SERINC5: variants seen among roughly 807,000 people sequenced by gnomAD.
SERINC5 encodes the protein chromosome 5 open reading frame 12.
A neutral mutation model predicts 63.1 loss-of-function variants in SERINC5; 41 were observed. The observed-to-expected ratio is 0.65, with a 90% CI of 0.51 to 0.84. SERINC5 has a LOEUF of 0.84. Among genes scored for constraint, SERINC5 ranks in the 40% least tolerant of loss-of-function variants. The pLI is 0.00. For missense variants in SERINC5, 523 were observed against 573.0 expected (o/e 0.91, Z 0.89); for synonymous variants, 222 against 215.2 (o/e 1.03, Z -0.28).
At chr5:80,192,670 A>G (rs1226079945) in intron 2 of SERINC5, among the ~76,000 whole-genome samples, 1 of 152,226 alleles carries the variant, frequency 6.6e-6, no homozygotes, top group Admixed American at 6.5e-5. Flanking sequence ...ATGTCGAAAG[A>G]TAATTTTAGA....
intron 1 of SERINC5, among the ~76,000 whole-genome samples, chr5:80,225,035 G>A (rs1225258707): frequency 1.3e-5 from 2 of 151,406 alleles, no homozygotes; most frequent in African/African-American, 4.8e-5. Flanking sequence ...CTGCCTCCCA[G>A]GTTCAAGCAA....
rs201182320 is a variant in SERINC5, at chr5:80,171,724, C to CA, written c.552-2179dup. 1.0e-3 allele frequency among the ~76,000 whole-genome samples: 155 copies of CA among 151,546 alleles called. 3 individuals carry two copies. In the East Asian group the frequency reaches 0.017, roughly 17 times the overall value. Reference sequence around the variant, plus strand: ...ACAAAAACCAAAAACCAAACCAAAACAAAAAACAAACAAAAAAATTAGCTG... The same window carrying CA: ...ACAAAAACCAAAAACCAAACCAAAACAAAAAAACAAACAAAAAAATTAGCTG... On this transcript the variant is annotated intron_variant, in intron 5 of 11. Transcript: ENST00000507668.
chr5:80,116,032 G>A (rs1432959239), intron 11 of SERINC5: 1 of 313,336 alleles, frequency 3.2e-6, no homozygotes, highest in African/African-American at 2.2e-5. Flanking sequence ...CAACAATCAG[G>A]CCTCATCTGA....
At chr5:80,185,335 C>A (rs1352926119) in intron 2 of SERINC5, among the ~76,000 whole-genome samples, 2 of 152,178 alleles carry the variant, frequency 1.3e-5, no homozygotes, top group Non-Finnish European at 2.9e-5. Flanking sequence ...CACATACACA[C>A]CCTGAGCCTC....
At position 80,248,233 on chromosome 5, in the gene SERINC5, C is replaced by T. The variant is rs145877238; in HGVS notation, c.27+7663G>A. Among the ~76,000 whole-genome samples, 973 of 152,252 alleles carry T rather than the reference C, an allele frequency of 6.4e-3. 4 individuals carry two copies. The highest frequency in any genetic ancestry group is 0.031 in the Middle Eastern group (9 of 294). On this transcript the variant is annotated intron_variant, in intron 1 of 11. Transcript: ENST00000507668. ...AAATAATAAAATCAAACTCTTATGA[C>T]ACTATGCCAACATCACTACTCTTGC...
At chr5:80,245,543 A>G (rs2112602062) in intron 1 of SERINC5, among the ~76,000 whole-genome samples, 1 of 152,306 alleles carries the variant, frequency 6.6e-6, no homozygotes, top group South Asian at 2.1e-4. Context: ...GTCACTCCCA[A>G]GCACAAGCAG....
chr5:80,153,261 C>A (rs1207461267), intron 8 of SERINC5, among the ~76,000 whole-genome samples: 1 of 151,852 alleles, frequency 6.6e-6, no homozygotes. Context: ...AATTCGAGAC[C>A]AGCCTAGCCA....
chr5:80,226,443 T>G (rs533792132), intron 1 of SERINC5, among the ~76,000 whole-genome samples: 1 of 152,214 alleles, frequency 6.6e-6, no homozygotes, highest in Non-Finnish European at 1.5e-5. Context: ...AAAACCAGTT[T>G]TCCTTCACCA....
At chr5:80,247,980 C>T (rs1752235660) in intron 1 of SERINC5, among the ~76,000 whole-genome samples, 1 of 152,068 alleles carries the variant, frequency 6.6e-6, no homozygotes, top group Non-Finnish European at 1.5e-5. Context: ...TCCCAAGTAG[C>T]TGGGACTATA....
chr5:80,212,205 G>A (rs1271484889), intron 1 of SERINC5, among the ~76,000 whole-genome samples: 1 of 152,158 alleles, frequency 6.6e-6, no homozygotes, highest in South Asian at 2.1e-4. Context: ...CTTAATAAAC[G>A]GCAGTGGGAT....
intron 2 of SERINC5, among the ~76,000 whole-genome samples, chr5:80,197,704 C>T (rs1304013617): frequency 6.6e-6 from 1 of 152,186 alleles, no homozygotes; most frequent in African/African-American, 2.4e-5. Flanking sequence ...CTCCTCCCTC[C>T]CCAAACACCC....
At chr5:80,198,528 T>G (rs1749640408) in intron 2 of SERINC5, 2 of 985,250 alleles carry the variant, frequency 2.0e-6, no homozygotes, top group African/African-American at 1.7e-5. Flanking sequence ...GGCAGAACGC[T>G]GGGTAGGAGG....
At chr5:80,117,032 T>C (rs969027355) in intron 11 of SERINC5, among the ~76,000 whole-genome samples, 2 of 151,898 alleles carry the variant, frequency 1.3e-5, no homozygotes, top group African/African-American at 4.9e-5. Flanking sequence ...GGTTTCGCCA[T>C]GTTGGCCAGG....
At chr5:80,248,916 AT>A (rs113983537) in intron 1 of SERINC5, among the ~76,000 whole-genome samples, 15 of 152,206 alleles carry the variant, frequency 9.9e-5, no homozygotes, top group Middle Eastern at 6.8e-3. Flanking sequence ...GAAATTAGGG[AT>A]TTTTTTTCAT....
At chr5:80,173,787 T>A (rs765743384) in intron 5 of SERINC5, among the ~76,000 whole-genome samples, 20 of 151,956 alleles carry the variant, frequency 1.3e-4, no homozygotes, top group Non-Finnish European at 2.1e-4. Context: ...CCTCCTTACT[T>A]GCACCCCTGA....
At chr5:80,189,070 T>C (rs911204942) in intron 2 of SERINC5, among the ~76,000 whole-genome samples, 2 of 152,228 alleles carry the variant, frequency 1.3e-5, no homozygotes, top group African/African-American at 2.4e-5. Context: ...TTATTATGTG[T>C]ATCTCTCTGT....
chr5:80,223,224 G>T (rs545867819), intron 1 of SERINC5, among the ~76,000 whole-genome samples: 8 of 152,260 alleles, frequency 5.3e-5, no homozygotes, highest in African/African-American at 1.9e-4. Context: ...CTCAGTATCT[G>T]CGAGGGACTG....
At position 80,229,050 on chromosome 5, in the gene SERINC5, T is replaced by TGGGGGGGGCG. The variant is rs1174325559; in HGVS notation, c.28-25998_28-25997insCGCCCCCCCC. 1.1e-4 allele frequency among the ~76,000 whole-genome samples: 10 copies of TGGGGGGGGCG among 94,164 alleles called. 2 individuals are homozygous for TGGGGGGGGCG. In the East Asian group the frequency reaches 1.7e-3, roughly 16 times the overall value. The allele number at this position is 94,164 out of a possible 152,430, so 61.8% of individuals were successfully genotyped here. Reference sequence around the variant, plus strand: ...TTTTTTTTTTTTTTTTTTTTTTTTTTGGGGATGGAGTTGCCTAGGCTGGAG... The same window carrying TGGGGGGGGCG: ...TTTTTTTTTTTTTTTTTTTTTTTTTTGGGGGGGGCGGGGGATGGAGTTGCCTAGGCTGGAG... On this transcript the variant is annotated intron_variant, in intron 1 of 11. Transcript: ENST00000507668.
intron 1 of SERINC5, among the ~76,000 whole-genome samples, chr5:80,238,329 G>A (rs1751797728): frequency 6.6e-6 from 1 of 152,022 alleles, no homozygotes; most frequent in African/African-American, 2.4e-5. Context: ...TACACTAACG[G>A]TGAGATAGTA....
Sources: allele counts gnomAD v4.1 joint callset (sites outside exome capture counted in the v4.1 genomes callset), GRCh38; gene constraint gnomAD v4.1.1; transcripts MANE v1.5; gene names NCBI Gene and HGNC (gene_info 2026-07-23, HGNC 2026-07-21).